The following COLEC10 variants were observed in gnomAD, a reference collection of about 807,000 sequenced individuals.
COLEC10 encodes collectin subfamily member 10.
A neutral mutation model predicts 28.4 loss-of-function variants in COLEC10; 22 were observed. The observed-to-expected ratio is 0.78, with a 90% confidence interval of 0.55 to 1.11. The LOEUF (loss-of-function observed/expected upper bound fraction) is 1.11, where lower values mean the gene tolerates loss of function less well. Ranked by LOEUF, COLEC10 falls within the 50% of genes least tolerant of loss-of-function variation. The pLI is 0.00. For synonymous variants in COLEC10, 125 were observed against 116.1 expected (o/e 1.08, Z -0.49); for missense variants, 361 against 344.1 (o/e 1.05, Z -0.39).
At chr8:119,105,394 A>G (rs1175271850) in intron 5 of COLEC10, among the ~76,000 whole-genome samples, 2 of 152,154 alleles carry the variant, frequency 1.3e-5, no homozygotes, top group African/African-American at 4.8e-5. Flanking sequence ...GATGAGTAGA[A>G]GTTTACCAGG....
intron 2 of COLEC10, among the ~76,000 whole-genome samples, chr8:119,014,820 G>A (rs759948891): frequency 2.0e-5 from 3 of 150,882 alleles, no homozygotes; most frequent in Non-Finnish European, 4.4e-5. Context: ...AGCCTGAAAC[G>A]CAGATTTTTT....
upstream of COLEC10, among the ~76,000 whole-genome samples, chr8:118,995,207 C>T (rs1346473522): frequency 6.6e-6 from 1 of 151,776 alleles, no homozygotes; most frequent in African/African-American, 2.4e-5. Context: ...AGGTCTTTCC[C>T]TGGAATTTGA....
At chr8:119,006,101 C>T (rs1172265980) in intron 1 of COLEC10, among the ~76,000 whole-genome samples, 2 of 152,040 alleles carry the variant, frequency 1.3e-5, no homozygotes, top group Admixed American at 1.3e-4. Context: ...TCATTTTCTA[C>T]CCTCTGTCTC....
rs139704001 is a variant in COLEC10, at chr8:118,998,987, C to A, written n.122+3414C>A. 8.5e-3 allele frequency among the ~76,000 whole-genome samples: 1,297 copies of A among 152,022 alleles called. 17 individuals carry two copies. Among genetic ancestry groups the A allele is most frequent in the African/African-American group, 0.03 (1,252 of 41,442 alleles). ...TGCCCCCTATTCTCCAGGCACTGTG[C>A]TAAGTACTCTATGTATATTATCACC... On this transcript the variant is annotated intron_variant and non_coding_transcript_variant, in intron 1 of 6. Coordinates refer to the COLEC10 transcript ENST00000521788.
chr8:119,044,228 G>T (rs1414292548), intron 2 of COLEC10, among the ~76,000 whole-genome samples: 1 of 152,222 alleles, frequency 6.6e-6, no homozygotes, highest in Non-Finnish European at 1.5e-5. Context: ...CACGTTTCAT[G>T]TTGAATGCCA....
At chr8:119,091,591 GAGAGAGAAAGAAAGAA>G (rs758307891) in intron 3 of COLEC10, among the ~76,000 whole-genome samples, 5,024 of 90,492 alleles carry the variant, frequency 0.056, 110 homozygotes, top group African/African-American at 0.094. Flanking sequence ...GAGAGAGAGA[GAGAGAGAAAGAAAGAA>G]AGAAAGAAAG....
At chr8:118,961,008 T>G in the COLEC10 span, among the ~76,000 whole-genome samples, 1 of 152,164 alleles carries the variant, frequency 6.6e-6, no homozygotes, top group East Asian at 1.9e-4. Flanking sequence ...TGTCATGATA[T>G]CTTTAAGTAG....
chr8:118,966,510 C>A, the COLEC10 span, among the ~76,000 whole-genome samples: 4 of 152,074 alleles, frequency 2.6e-5, no homozygotes, highest in Admixed American at 6.6e-5. Context: ...ACAGTATGAA[C>A]TTGTCATAGC....
At chr8:119,085,067 A>G (rs13276474) in intron 1 of COLEC10, among the ~76,000 whole-genome samples, 3,621 of 152,288 alleles carry the variant, frequency 0.024, 56 homozygotes, top group South Asian at 0.078. Flanking sequence ...TGAGGTTGGG[A>G]TTATTCTCTC....
chr8:118,966,406 T>C, the COLEC10 span, among the ~76,000 whole-genome samples: 1 of 152,140 alleles, frequency 6.6e-6, no homozygotes, highest in Non-Finnish European at 1.5e-5. Context: ...ACGAAAAGAA[T>C]ATTACATTCA....
At chr8:119,088,357 T>C (rs561426193) in intron 1 of COLEC10, among the ~76,000 whole-genome samples, 84 of 152,354 alleles carry the variant, frequency 5.5e-4, no homozygotes, top group African/African-American at 1.9e-3. Context: ...AGGAGGCATC[T>C]ATAGCTTCCC....
intron 1 of COLEC10, among the ~76,000 whole-genome samples, chr8:119,077,637 T>C (rs538336897): frequency 6.6e-6 from 1 of 152,218 alleles, no homozygotes; most frequent in Non-Finnish European, 1.5e-5. Flanking sequence ...CTCAGTTTTC[T>C]GGTTAGTAAA....
upstream of COLEC10, among the ~76,000 whole-genome samples, chr8:118,994,889 A>T (rs917448521): frequency 6.6e-6 from 1 of 152,198 alleles, no homozygotes; most frequent in Non-Finnish European, 1.5e-5. Flanking sequence ...TTTAATATAC[A>T]TGAGTTCACT....
chr8:119,007,298 T>G (rs1442517784), intron 1 of COLEC10, among the ~76,000 whole-genome samples: 1 of 152,124 alleles, frequency 6.6e-6, no homozygotes. Flanking sequence ...AGAACCTACA[T>G]TAAATCAATA....
chr8:118,964,127 C>T, the COLEC10 span, among the ~76,000 whole-genome samples: 149 of 152,302 alleles, frequency 9.8e-4, 1 homozygote, highest in Non-Finnish European at 1.9e-3. Flanking sequence ...TCAAAGCTGA[C>T]ACCAGGGGGA....
intron 2 of COLEC10, among the ~76,000 whole-genome samples, chr8:119,061,184 G>T (rs1814849042): frequency 6.6e-6 from 1 of 151,960 alleles, no homozygotes; most frequent in South Asian, 2.1e-4. Context: ...AGAGTTGAAA[G>T]ACATGAGTGG....
intron 2 of COLEC10, among the ~76,000 whole-genome samples, chr8:119,021,135 G>A (rs570894525): frequency 2.0e-5 from 3 of 152,206 alleles, no homozygotes; most frequent in Admixed American, 6.5e-5. Context: ...TTCTGAGAGA[G>A]CAAATTTTGT....
the COLEC10 span, among the ~76,000 whole-genome samples, chr8:118,962,729 A>T: frequency 6.6e-6 from 1 of 152,262 alleles, no homozygotes; most frequent in Non-Finnish European, 1.5e-5. Context: ...TTAATCTAGC[A>T]TAATGGGAAC....
chr8:119,083,318 G>T (rs1484428625), intron 1 of COLEC10, among the ~76,000 whole-genome samples: 1 of 152,192 alleles, frequency 6.6e-6, no homozygotes, highest in Admixed American at 6.5e-5. Flanking sequence ...GACTCCTGCA[G>T]AAAGAGCAAG....
Sources: allele counts gnomAD v4.1 joint callset (sites outside exome capture counted in the v4.1 genomes callset), GRCh38; gene constraint gnomAD v4.1.1; transcripts MANE v1.5; gene names NCBI Gene and HGNC (gene_info 2026-07-23, HGNC 2026-07-21).